Variants in ARHGAP6 observed in about 807,000 individuals in gnomAD.
ARHGAP6 encodes the protein Rho GTPase activating protein 6.
In ARHGAP6, 16 loss-of-function variants were observed where a neutral mutation model predicts 55.7. That is an observed-to-expected ratio of 0.29 (90% CI 0.19 to 0.44). The LOEUF is 0.44. Among genes scored for constraint, ARHGAP6 ranks in the 20% least tolerant of loss-of-function variants. The probability of loss-of-function intolerance (pLI) is 1.00; values close to 1 mark genes in which losing one functional copy is unlikely to be tolerated. For missense variants in ARHGAP6, 698 were observed against 808.9 expected (o/e 0.86, Z 1.66); for synonymous variants, 382 against 360.9 (o/e 1.06, Z -0.66).
chrX:11,445,119 G>A (rs750583305), intron 1 of ARHGAP6, among the ~76,000 whole-genome samples: 13 of 112,405 alleles, frequency 1.2e-4, no homozygotes, highest in Middle Eastern at 4.6e-3. Flanking sequence ...TATTTTTATT[G>A]AGAAGAACAT....
At chrX:11,444,156 A>T (rs1456664110) in intron 1 of ARHGAP6, among the ~76,000 whole-genome samples, 1 of 112,012 alleles carries the variant, frequency 8.9e-6, no homozygotes, top group African/African-American at 3.3e-5. Flanking sequence ...CGGAGGTCAT[A>T]TATACAGTCT....
At chrX:11,477,271 A>C (rs1346031079) in intron 1 of ARHGAP6, among the ~76,000 whole-genome samples, 1 of 111,655 alleles carries the variant, frequency 9.0e-6, no homozygotes, top group Non-Finnish European at 1.9e-5. Context: ...AGCACTATTC[A>C]TCAAGAAAAT....
chrX:11,659,708 C>T (rs187599217), intron 1 of ARHGAP6, among the ~76,000 whole-genome samples: 3 of 111,442 alleles, frequency 2.7e-5, no homozygotes, highest in African/African-American at 9.8e-5. Context: ...AATGACCACA[C>T]AAGAAGAGTG....
chrX:11,315,914 T>C (rs2048355439), intron 1 of ARHGAP6, among the ~76,000 whole-genome samples: 1 of 112,121 alleles, frequency 8.9e-6, no homozygotes, highest in African/African-American at 3.2e-5. Flanking sequence ...AGGACATTTT[T>C]TTCTTGAATT....
chrX:11,179,744 A>G (rs747940496), intron 6 of ARHGAP6, among the ~76,000 whole-genome samples: 1 of 94,208 alleles, frequency 1.1e-5, no homozygotes, highest in Non-Finnish European at 2.1e-5. Context: ...ATATGTATAT[A>G]CATATATATG....
Position 11,664,779 on chromosome X carries a change from G to A in ARHGAP6, c.50C>T (p.Ala17Val), listed in dbSNP as rs768358058. ...CTTGGCCGAGGCCGCGCTACTTGAA[G>A]CGGGCGAGGAACAGGAGAAGACGCT... The part of the protein sequence containing the change: ...LHSVFSCSSP[A>V]SSSAASAKGF... The change falls in exon 1 of 13, where the codon GCT becomes GTT. Residue 17 changes from alanine (A) to valine (V), a missense_variant. Transcript: ENST00000337414. The A allele has an allele frequency of 4.2e-6, 5 of 1,203,683 alleles. No individual in the cohort carries two copies. In the Admixed American group the frequency reaches 6.7e-5, roughly 16 times the overall value.
At chrX:11,268,622 G>A (rs2047655580) in intron 1 of ARHGAP6, among the ~76,000 whole-genome samples, 1 of 111,457 alleles carries the variant, frequency 9.0e-6, no homozygotes, top group South Asian at 3.8e-4. Context: ...CTAATGGAAT[G>A]TCAGAGGAAG....
chrX:11,202,701 A>C (rs113535317), intron 2 of ARHGAP6, among the ~76,000 whole-genome samples: 1 of 102,129 alleles, frequency 9.8e-6, no homozygotes, highest in African/African-American at 3.6e-5. Flanking sequence ...CCAGCTACTC[A>C]GGAGACTGAG....
chrX:11,497,050 G>A (rs1472273686), intron 1 of ARHGAP6, among the ~76,000 whole-genome samples: 1 of 111,380 alleles, frequency 9.0e-6, no homozygotes, highest in Non-Finnish European at 1.9e-5. Context: ...TTGGTTTAGT[G>A]ATCACCAGAT....
intron 1 of ARHGAP6, among the ~76,000 whole-genome samples, chrX:11,391,299 C>T: frequency 9.0e-6 from 1 of 110,854 alleles, no homozygotes; most frequent in East Asian, 2.8e-4. Flanking sequence ...GAACATCACA[C>T]ACCGGGGCCT....
intron 1 of ARHGAP6, among the ~76,000 whole-genome samples, chrX:11,421,199 C>T (rs977594908): frequency 8.9e-6 from 1 of 112,075 alleles, no homozygotes; most frequent in Admixed American, 9.4e-5. Flanking sequence ...CAAGAAACTA[C>T]GAATAATGTA....
intron 1 of ARHGAP6, among the ~76,000 whole-genome samples, chrX:11,534,228 A>C (rs777532422): frequency 8.9e-6 from 1 of 111,745 alleles, no homozygotes; most frequent in African/African-American, 3.3e-5. Flanking sequence ...AATAACATCA[A>C]TATCAGGTGC....
intron 9 of ARHGAP6, among the ~76,000 whole-genome samples, chrX:11,168,351 G>C (rs1257656307): frequency 8.9e-6 from 1 of 112,119 alleles, no homozygotes; most frequent in African/African-American, 3.2e-5. Flanking sequence ...ATACTTTCAC[G>C]TATCAAATGA....
intron 1 of ARHGAP6, among the ~76,000 whole-genome samples, chrX:11,266,180 G>A (rs1470535670): frequency 9.2e-6 from 1 of 108,727 alleles, no homozygotes; most frequent in Non-Finnish European, 1.9e-5. Flanking sequence ...AAATATACTC[G>A]AGTTAGAAAA....
rs2045658778 is a variant in ARHGAP6 at position 11,144,218 on chromosome X, G to A, written c.1938C>T (p.Ser646=). 8.3e-7 allele frequency: 1 copy of A among 1,211,645 alleles called. No homozygotes were observed. Among genetic ancestry groups the A allele is most frequent in the Non-Finnish European group, 1.1e-6 (1 of 895,371 alleles). The change falls in exon 11 of 13, where the codon TCC becomes TCT. Residue 646 remains serine (S), a synonymous_variant. Coordinates refer to ENST00000337414, the MANE Select transcript of ARHGAP6 (RefSeq NM_013427.3). The part of the protein sequence containing the change: ...SSPDMLQSEV[S]FSVGGRHSST... Reference sequence around the variant, plus strand: ...ATGAATGCCTCCCTCCCACGGAAAAGGAAACTTCCGACTGCAGCATGTCAG... The same window carrying A: ...ATGAATGCCTCCCTCCCACGGAAAAAGAAACTTCCGACTGCAGCATGTCAG...
intron 1 of ARHGAP6, among the ~76,000 whole-genome samples, chrX:11,344,678 C>CAAAAAAAAAAAAAAA (rs34123570): frequency 6.7e-4 from 19 of 28,255 alleles, no homozygotes; most frequent in East Asian, 1.4e-3. Flanking sequence ...AACTCCATCA[C>CAAAAAAAAAAAAAAA]AAAAAAAAAA....
At chrX:11,236,605 C>T (rs1207027353) in intron 2 of ARHGAP6, among the ~76,000 whole-genome samples, 1 of 111,622 alleles carries the variant, frequency 9.0e-6, no homozygotes, top group African/African-American at 3.3e-5. Context: ...TAAATATGCA[C>T]TGGCACTGGA....
chrX:11,508,725 C>G (rs1363948720), intron 1 of ARHGAP6, among the ~76,000 whole-genome samples: 2 of 108,820 alleles, frequency 1.8e-5, no homozygotes, highest in Non-Finnish European at 3.8e-5. Flanking sequence ...TCTCTGGAGT[C>G]AAAGATATCC....
At chrX:11,405,990 G>A (rs2049604526) in intron 1 of ARHGAP6, among the ~76,000 whole-genome samples, 1 of 111,305 alleles carries the variant, frequency 9.0e-6, no homozygotes, top group Admixed American at 9.5e-5. Context: ...TGCAGCCACA[G>A]CCTCCCTCGC....
Sources: gnomAD v4.1 joint callset for allele counts (sites outside exome capture counted in the v4.1 genomes callset) on GRCh38, gnomAD v4.1.1 for gene constraint, MANE v1.5 for transcripts, NCBI Gene and HGNC (gene_info 2026-07-23, HGNC 2026-07-21) for gene names.